Variants in CPA6 observed in about 807,000 individuals in gnomAD.
CPA6 encodes the protein carboxypeptidase B.
CPA6 carries 58 observed loss-of-function variants against 63.3 expected under a neutral mutation model. The ratio of observed to expected loss-of-function variants is 0.92; its 90% CI spans 0.74 to 1.14. The LOEUF (loss-of-function observed/expected upper bound fraction) is 1.14. Ranked by LOEUF, CPA6 falls within the 50% of genes most tolerant of loss-of-function variation. The pLI is 0.00. For synonymous variants in CPA6, 185 were observed against 179.0 expected (o/e 1.03, Z -0.27); for missense variants, 565 against 526.6 (o/e 1.07, Z -0.71).
At chr8:67,450,310 T>C (rs1810527233) in intron 8 of CPA6, among the ~76,000 whole-genome samples, 1 of 152,232 alleles carries the variant, frequency 6.6e-6, no homozygotes, top group African/African-American at 2.4e-5. Flanking sequence ...TGGCTCTCTA[T>C]TGACGTTTCC....
chr8:67,551,526 AT>A (rs1239157369), intron 2 of CPA6, among the ~76,000 whole-genome samples: 10 of 152,180 alleles, frequency 6.6e-5, no homozygotes, highest in African/African-American at 2.2e-4. Flanking sequence ...TTCTATATAA[AT>A]TTTAGAATAG....
At chr8:67,497,784 T>C (rs1470172336) in intron 6 of CPA6, among the ~76,000 whole-genome samples, 2 of 151,200 alleles carry the variant, frequency 1.3e-5, no homozygotes, top group Non-Finnish European at 3.0e-5. Context: ...CTCTGCCTCC[T>C]GGGTTCAAGC....
intron 1 of CPA6, among the ~76,000 whole-genome samples, chr8:67,736,703 A>G (rs1316541008): frequency 6.6e-6 from 1 of 152,116 alleles, no homozygotes; most frequent in African/African-American, 2.4e-5. Context: ...AATTCTATTG[A>G]CACATCAGTT....
At chr8:67,494,442 T>C (rs1017498496) in intron 6 of CPA6, among the ~76,000 whole-genome samples, 6 of 152,148 alleles carry the variant, frequency 3.9e-5, no homozygotes, top group Admixed American at 3.9e-4. Context: ...GTAGAATTAT[T>C]TGAGGAAAAA....
Position 67,435,855 on chromosome 8 carries a change from G to A in CPA6, c.839-1615C>T, listed in dbSNP as rs377453135. 7.3e-5 allele frequency among the ~76,000 whole-genome samples: 11 copies of A among 151,414 alleles called. No homozygotes were observed. The South Asian group carries it at 1.9e-3, about 26-fold the overall frequency. On this transcript the variant is annotated intron_variant, in intron 8 of 10. Transcript: ENST00000297770. ...GTACTCCAATATTGGAGAGTCACTG[G>A]GGGCACAGGGCTTTGAATCAGGGTA...
intron 1 of CPA6, chr8:67,735,731 T>C (rs1328839959): frequency 6.6e-6 from 1 of 152,058 alleles, no homozygotes; most frequent in Non-Finnish European, 1.5e-5. Context: ...TCTTTCCTTT[T>C]AGAGCTCCAC....
chr8:67,664,290 G>T (rs572083240), intron 1 of CPA6, among the ~76,000 whole-genome samples: 1 of 152,298 alleles, frequency 6.6e-6, no homozygotes, highest in South Asian at 2.1e-4. Context: ...TGTAGGAGCT[G>T]GATCAAGAGT....
chr8:67,567,120 G>T (rs922156455), intron 2 of CPA6, among the ~76,000 whole-genome samples: 7 of 152,124 alleles, frequency 4.6e-5, no homozygotes, highest in African/African-American at 1.7e-4. Flanking sequence ...GTAGAGGAGA[G>T]CCTCTACCTT....
At chr8:67,708,554 C>T (rs1382707956) in intron 1 of CPA6, among the ~76,000 whole-genome samples, 1 of 152,150 alleles carries the variant, frequency 6.6e-6, no homozygotes, top group Admixed American at 6.6e-5. Context: ...ACCATCCTCT[C>T]AATATTCAAG....
rs563038165 is a variant in CPA6 at position 67,436,538 on chromosome 8, A to G, written c.839-2298T>C. Reference sequence around the variant, plus strand: ...ATAAAGGCAGGCCAGAAATAATTTCACCAATTTCTATTATGCTTTTAGAAC... The same window carrying G: ...ATAAAGGCAGGCCAGAAATAATTTCGCCAATTTCTATTATGCTTTTAGAAC... On this transcript the variant is annotated intron_variant, in intron 8 of 10. Transcript: ENST00000297770. Among the ~76,000 whole-genome samples the G allele has an allele frequency of 2.4e-4, 36 of 152,238 alleles. 1 individual carries two copies. Among genetic ancestry groups the G allele is most frequent in the African/African-American group, 8.4e-4 (35 of 41,554 alleles).
In CPA6 at chr8:67,659,890, T is replaced by C. The variant is rs75136399; in HGVS notation, c.117-35639A>G. Among the ~76,000 whole-genome samples, 738 of 152,358 alleles carry C rather than the reference T, an allele frequency of 4.8e-3. 6 individuals are homozygous for C. The highest frequency in any genetic ancestry group is 0.015 in the African/African-American group (625 of 41,596). On this transcript the variant is annotated intron_variant, in intron 1 of 10. Transcript: ENST00000297770. ...TATTCCCTTCATTGCATTTCTTTTATTGCTTAGAGATTTTACCCAGTGATA... is the reference window on the plus strand; with the variant it reads ...TATTCCCTTCATTGCATTTCTTTTACTGCTTAGAGATTTTACCCAGTGATA...
chr8:67,745,291 G>A (rs755842932), intron 1 of CPA6, among the ~76,000 whole-genome samples: 2 of 152,208 alleles, frequency 1.3e-5, no homozygotes, highest in Non-Finnish European at 2.9e-5. Context: ...CTGCATATGT[G>A]AGCAAATCAC....
intron 2 of CPA6, among the ~76,000 whole-genome samples, chr8:67,519,804 C>A (rs1313973176): frequency 6.6e-6 from 1 of 152,214 alleles, no homozygotes; most frequent in Non-Finnish European, 1.5e-5. Context: ...TAAACCACAT[C>A]TTTTAGGTCT....
At chr8:67,539,876 G>T (rs1812668141) in intron 2 of CPA6, among the ~76,000 whole-genome samples, 1 of 152,026 alleles carries the variant, frequency 6.6e-6, no homozygotes, top group Non-Finnish European at 1.5e-5. Flanking sequence ...CTCTAAACTG[G>T]TTATTCTAGT....
chr8:67,693,345 A>G (rs1239560298), intron 1 of CPA6, among the ~76,000 whole-genome samples: 1 of 152,242 alleles, frequency 6.6e-6, no homozygotes, highest in Non-Finnish European at 1.5e-5. Flanking sequence ...TACCAGGAAG[A>G]ACAGGGCACT....
intron 2 of CPA6, among the ~76,000 whole-genome samples, chr8:67,590,225 T>C (rs559464076): frequency 9.9e-5 from 15 of 152,096 alleles, no homozygotes; most frequent in African/African-American, 2.9e-4. Context: ...GAACTCATCA[T>C]TTTTTATGGC....
At chr8:67,633,582 G>A (rs1815393955) in intron 1 of CPA6, among the ~76,000 whole-genome samples, 1 of 151,600 alleles carries the variant, frequency 6.6e-6, no homozygotes, top group Non-Finnish European at 1.5e-5. Context: ...TCGGGAGGCT[G>A]AGGCAGGAGA....
intron 8 of CPA6, among the ~76,000 whole-genome samples, chr8:67,464,402 A>G (rs1005110128): frequency 6.6e-6 from 1 of 152,134 alleles, no homozygotes; most frequent in African/African-American, 2.4e-5. Flanking sequence ...TAAGTTCCTT[A>G]TAGATTCTAG....
intron 8 of CPA6, among the ~76,000 whole-genome samples, chr8:67,474,820 A>G (rs1811138753): frequency 6.6e-6 from 1 of 152,116 alleles, no homozygotes; most frequent in South Asian, 2.1e-4. Flanking sequence ...TATGAAAAAT[A>G]AAAAATAAAT....
Sources: gnomAD v4.1 joint callset for allele counts (sites outside exome capture counted in the v4.1 genomes callset) on GRCh38, gnomAD v4.1.1 for gene constraint, MANE v1.5 for transcripts, NCBI Gene and HGNC (gene_info 2026-07-23, HGNC 2026-07-21) for gene names.